DDC: variants seen among roughly 807,000 people sequenced by gnomAD.
DDC encodes dopa decarboxylase.
In DDC, 43 loss-of-function variants were observed where a neutral mutation model predicts 60.0. The ratio of observed to expected loss-of-function variants is 0.72; its 90% confidence interval spans 0.56 to 0.92. The LOEUF (loss-of-function observed/expected upper bound fraction) is 0.92. DDC is among the 40% of genes least tolerant of loss of function. The pLI is 0.00. For synonymous variants in DDC, 232 were observed against 234.6 expected, an observed-to-expected ratio of 0.99 and a Z score of 0.10; for missense variants, 573 against 620.2, an observed-to-expected ratio of 0.92 and a Z score of 0.81.
intron 14 of DDC, among the ~76,000 whole-genome samples, chr7:50,461,338 A>G (rs2042268911): frequency 6.6e-6 from 1 of 152,270 alleles, no homozygotes; most frequent in Admixed American, 6.5e-5. Context: ...TATGTGTAAT[A>G]AACTCAAATA....
intron 3 of DDC, 44 bp from the exon 4 acceptor site, chr7:50,538,023 G>A: frequency 6.2e-7 from 1 of 1,613,730 alleles, no homozygotes. Flanking sequence ...GCCAGGCATT[G>A]CAGAATTTGG....
intron 1 of DDC, among the ~76,000 whole-genome samples, chr7:50,552,063 A>G (rs1317357682): frequency 6.6e-6 from 1 of 152,190 alleles, no homozygotes; most frequent in East Asian, 1.9e-4. Flanking sequence ...TACCACATAC[A>G]CCAAAAGAAA....
At chr7:50,484,536 A>G (rs2042839297) in intron 9 of DDC, among the ~76,000 whole-genome samples, 1 of 152,176 alleles carries the variant, frequency 6.6e-6, no homozygotes, top group African/African-American at 2.4e-5. Context: ...GGCCTGTGGT[A>G]GTCGCCTCTT....
intron 6 of DDC, among the ~76,000 whole-genome samples, chr7:50,523,890 A>C (rs2043967051): frequency 6.6e-6 from 1 of 152,244 alleles, no homozygotes; most frequent in Non-Finnish European, 1.5e-5. Context: ...GCACTTCATT[A>C]ATAACTGTCA....
chr7:50,555,777 C>T (rs767134915), intron 1 of DDC, among the ~76,000 whole-genome samples: 10 of 152,100 alleles, frequency 6.6e-5, no homozygotes, highest in African/African-American at 2.2e-4. Flanking sequence ...AAGACCGAGG[C>T]GCAGAGAGGC....
rs537869667 is a variant in DDC, at chr7:50,484,459, T to C, written c.945-4596A>G. ...TGTGGCAAGTTTGGTTGCATGTTTC[T>C]TTTTGTTCAATTCTCAGTATTTGCA... On this transcript the variant is annotated intron_variant, in intron 9 of 14. Transcript: ENST00000444124. 6.6e-5 allele frequency among the ~76,000 whole-genome samples: 10 copies of C among 152,354 alleles called. No individual in the cohort carries two copies. The South Asian group carries it at 2.1e-3, about 32-fold the overall frequency.
chr7:50,470,245 C>T (rs2042499556), intron 11 of DDC, 74 bp from the exon 12 acceptor site: 19 of 1,125,750 alleles, frequency 1.7e-5, no homozygotes, highest in Non-Finnish European at 2.6e-5. Flanking sequence ...CTCACCGGCT[C>T]GCCTATTTCT....
chr7:50,476,953 T>C (rs2042659573), intron 10 of DDC, among the ~76,000 whole-genome samples: 1 of 152,240 alleles, frequency 6.6e-6, no homozygotes, highest in East Asian at 1.9e-4. Flanking sequence ...AGTAGAGAGT[T>C]AGCATTCAGA....
At chr7:50,561,501 C>A (rs1321351992) in intron 1 of DDC, among the ~76,000 whole-genome samples, 2 of 152,190 alleles carry the variant, frequency 1.3e-5, no homozygotes, top group African/African-American at 4.8e-5. Context: ...CCCAAGCCCA[C>A]TTCCCCAGAT....
intron 11 of DDC, 23 bp from the exon 12 acceptor site, chr7:50,470,194 C>T (rs766044352): frequency 6.6e-7 from 1 of 1,508,492 alleles, no homozygotes; most frequent in Non-Finnish European, 9.2e-7. Flanking sequence ...ATGAAACAGA[C>T]CATCAGTGAG....
chr7:50,494,512 GA>G (rs1235655332), intron 9 of DDC, among the ~76,000 whole-genome samples: 10 of 146,696 alleles, frequency 6.8e-5, no homozygotes, highest in African/African-American at 2.5e-4. Flanking sequence ...TCAAAAAAAA[GA>G]AAGAAAGAAA....
chr7:50,518,524 C>G (rs971862190), intron 6 of DDC, among the ~76,000 whole-genome samples: 1 of 152,160 alleles, frequency 6.6e-6, no homozygotes, highest in Admixed American at 6.5e-5. Flanking sequence ...CAGCATGGTA[C>G]TGGTATAAAA....
intron 1 of DDC, among the ~76,000 whole-genome samples, chr7:50,557,442 A>T (rs73342852): frequency 5.5e-4 from 84 of 152,372 alleles, no homozygotes; most frequent in African/African-American, 1.9e-3. Context: ...AGGACATGAA[A>T]CTGATTGATA....
At chr7:50,531,127 C>T (rs2153546471) in intron 4 of DDC, among the ~76,000 whole-genome samples, 1 of 152,264 alleles carries the variant, frequency 6.6e-6, no homozygotes, top group Non-Finnish European at 1.5e-5. Context: ...TTTTCATGAG[C>T]AATGATTTTA....
chr7:50,501,999 A>G (rs892493534), intron 7 of DDC, among the ~76,000 whole-genome samples: 1 of 152,146 alleles, frequency 6.6e-6, no homozygotes. Context: ...ACTTGAACCC[A>G]GGAGGCAGAT....
At chr7:50,561,202 A>C (rs2045339384) in intron 1 of DDC, 1 of 151,378 alleles carries the variant, frequency 6.6e-6, no homozygotes, top group East Asian at 2.0e-4. Context: ...TCCTGCCCCC[A>C]CTCTGCCCCC....
At chr7:50,540,413 G>A (rs1232561489) in intron 2 of DDC, among the ~76,000 whole-genome samples, 3 of 151,978 alleles carry the variant, frequency 2.0e-5, no homozygotes, top group Admixed American at 6.6e-5. Context: ...GCTGCCCCAA[G>A]GCTGATCTCT....
chr7:50,477,395 T>C (rs3887825), intron 10 of DDC, among the ~76,000 whole-genome samples: 84,432 of 152,012 alleles, frequency 0.56, 23,631 homozygotes, highest in Admixed American at 0.62. Flanking sequence ...AAGGGAGTCT[T>C]GTGCTCTGGG....
intron 6 of DDC, among the ~76,000 whole-genome samples, chr7:50,511,892 G>A (rs1362956677): frequency 6.6e-6 from 1 of 151,992 alleles, no homozygotes; most frequent in East Asian, 1.9e-4. Context: ...AATAAATATT[G>A]TAGATATTTA....
Sources: allele counts gnomAD v4.1 joint callset (sites outside exome capture counted in the v4.1 genomes callset), GRCh38; gene constraint gnomAD v4.1.1; transcripts MANE v1.5; gene names NCBI Gene and HGNC (gene_info 2026-07-23, HGNC 2026-07-21).